SPOCK1: variants seen among roughly 807,000 people sequenced by gnomAD.
SPOCK1 encodes SPARC (osteonectin), cwcv and kazal like domains proteoglycan 1.
SPOCK1 carries 23 observed loss-of-function variants against 55.3 expected under a neutral mutation model. The ratio of observed to expected loss-of-function variants is 0.42; its 90% confidence interval spans 0.30 to 0.59. SPOCK1 has a LOEUF of 0.59. Among genes scored for constraint, SPOCK1 ranks in the 20% least tolerant of loss-of-function variants. The pLI is 0.22. For synonymous variants in SPOCK1, 226 were observed against 221.0 expected (o/e 1.02, Z -0.20); for missense variants, 499 against 552.5 (o/e 0.90, Z 0.97).
At chr5:137,453,457 C>T (rs1753297824) in intron 2 of SPOCK1, among the ~76,000 whole-genome samples, 2 of 152,134 alleles carry the variant, frequency 1.3e-5, no homozygotes, top group African/African-American at 4.8e-5. Flanking sequence ...ATGTCTAAGA[C>T]CAAGAAAACT....
At chr5:137,397,790 C>G (rs1751885807) in intron 2 of SPOCK1, among the ~76,000 whole-genome samples, 1 of 152,172 alleles carries the variant, frequency 6.6e-6, no homozygotes, top group South Asian at 2.1e-4. Flanking sequence ...GGGCTTAAGT[C>G]ATTTCAGCTG....
intron 4 of SPOCK1, among the ~76,000 whole-genome samples, chr5:137,131,920 C>G (rs1351257300): frequency 2.3e-5 from 2 of 88,368 alleles, no homozygotes; most frequent in East Asian, 6.2e-4. Flanking sequence ...TGCAGTGAGC[C>G]GAGATCGCGC....
chr5:137,438,778 G>A (rs1286730260), intron 2 of SPOCK1, among the ~76,000 whole-genome samples: 1 of 152,210 alleles, frequency 6.6e-6, no homozygotes, highest in East Asian at 1.9e-4. Flanking sequence ...CAGGCAGGCT[G>A]CTGAATTGCA....
At chr5:137,129,273 T>G (rs1753831289) in intron 4 of SPOCK1, among the ~76,000 whole-genome samples, 1 of 152,220 alleles carries the variant, frequency 6.6e-6, no homozygotes, top group Admixed American at 6.5e-5. Flanking sequence ...TTGCAGAGGC[T>G]GTTCCCTCCA....
intron 2 of SPOCK1, among the ~76,000 whole-genome samples, chr5:137,327,665 T>TGTAA (rs1758103018): frequency 1.3e-5 from 2 of 152,220 alleles, no homozygotes. Flanking sequence ...ACACAAGCTG[T>TGTAA]GTAACCTCAG....
chr5:137,018,451 C>T (rs1003320429), intron 6 of SPOCK1, among the ~76,000 whole-genome samples: 1 of 152,174 alleles, frequency 6.6e-6, no homozygotes, highest in African/African-American at 2.4e-5. Flanking sequence ...TTCCTTTCCC[C>T]TCACCTTGTC....
chr5:137,351,122 C>G (rs1389257441), intron 2 of SPOCK1, among the ~76,000 whole-genome samples: 1 of 152,124 alleles, frequency 6.6e-6, no homozygotes, highest in Non-Finnish European at 1.5e-5. Context: ...CTTGAGATAG[C>G]CCAACAGCCA....
intron 3 of SPOCK1, among the ~76,000 whole-genome samples, chr5:137,207,304 C>A (rs1327172014): frequency 6.6e-6 from 1 of 152,250 alleles, no homozygotes; most frequent in Non-Finnish European, 1.5e-5. Flanking sequence ...AGCAGGGAGC[C>A]TTTTCAGTGG....
chr5:137,088,193 C>A (rs1220816471), intron 5 of SPOCK1, among the ~76,000 whole-genome samples: 1 of 152,186 alleles, frequency 6.6e-6, no homozygotes, highest in Non-Finnish European at 1.5e-5. Context: ...TAATCTGGGT[C>A]CCTCTCCAGG....
At position 137,470,195 on chromosome 5, in the gene SPOCK1, G is replaced by A. The variant is rs114524149; in HGVS notation, c.186+28178C>T. Among the ~76,000 whole-genome samples the A allele has an allele frequency of 2.7e-3, 409 of 152,252 alleles. 1 individual carries two copies. The highest frequency in any genetic ancestry group is 9.4e-3 in the African/African-American group (392 of 41,546). Reference sequence around the variant, plus strand: ...ATGTATTTGGCCATTTATTGTGGACGGATTTGTGAGTGCATCCTCAGCTAA... The same window carrying A: ...ATGTATTTGGCCATTTATTGTGGACAGATTTGTGAGTGCATCCTCAGCTAA... On this transcript the variant is annotated intron_variant, in intron 2 of 10. Transcript: ENST00000394945.
intron 5 of SPOCK1, among the ~76,000 whole-genome samples, chr5:137,090,546 G>A (rs1753034133): frequency 6.6e-6 from 1 of 152,170 alleles, no homozygotes; most frequent in African/African-American, 2.4e-5. Flanking sequence ...TGAGGACAAG[G>A]CTATGTCCAG....
In SPOCK1 at chr5:137,035,998, G is replaced by A. The variant is rs1485888108; in HGVS notation, c.589+31717C>T. On this transcript the variant is annotated intron_variant, in intron 6 of 10. Transcript: ENST00000394945. ...CCCCACAAGGATGAGAGTGAGGAGA[G>A]GGAGACTAGCAGAAAAGGGGAGGTG... 1.1e-4 allele frequency among the ~76,000 whole-genome samples: 17 copies of A among 152,150 alleles called. 1 individual carries two copies. The highest frequency in any genetic ancestry group is 9.8e-4 in the Admixed American group (15 of 15,284).
At chr5:137,428,965 T>C (rs1032040056) in intron 2 of SPOCK1, among the ~76,000 whole-genome samples, 1 of 152,214 alleles carries the variant, frequency 6.6e-6, no homozygotes, top group African/African-American at 2.4e-5. Flanking sequence ...CCTGTTTTCA[T>C]CCTGCAAGAA....
chr5:137,202,060 G>A (rs1047401573), intron 3 of SPOCK1, among the ~76,000 whole-genome samples: 2 of 152,228 alleles, frequency 1.3e-5, no homozygotes, highest in African/African-American at 4.8e-5. Flanking sequence ...AGCCTGCTAA[G>A]GAACAATACG....
rs528027746 is a variant in SPOCK1, at chr5:137,038,692, C to T, written c.589+29023G>A. Among the ~76,000 whole-genome samples the T allele has an allele frequency of 9.9e-5, 15 of 152,200 alleles. No individual in the cohort carries two copies. In the South Asian group the frequency reaches 1.7e-3, roughly 17 times the overall value. On this transcript the variant is annotated intron_variant, in intron 6 of 10. Coordinates refer to ENST00000394945, the MANE Select transcript of SPOCK1 (RefSeq NM_004598.4). Reference sequence around the variant, plus strand: ...GTCACAGATTGACAATGACATGAGCCAAGGAAAGAACTTATGGGTCAGGGC... The same window carrying T: ...GTCACAGATTGACAATGACATGAGCTAAGGAAAGAACTTATGGGTCAGGGC...
At chr5:137,345,751 T>G (rs1003758465) in intron 2 of SPOCK1, among the ~76,000 whole-genome samples, 2 of 152,168 alleles carry the variant, frequency 1.3e-5, no homozygotes, top group South Asian at 2.1e-4. Flanking sequence ...TTTTACACAT[T>G]AAGGTTGAGG....
At chr5:137,186,029 T>C (rs929364719) in intron 3 of SPOCK1, among the ~76,000 whole-genome samples, 6 of 152,168 alleles carry the variant, frequency 3.9e-5, no homozygotes, top group African/African-American at 1.4e-4. Flanking sequence ...TGCCACAGAA[T>C]AGAGATGGTT....
At chr5:137,456,209 T>C (rs1753363328) in intron 2 of SPOCK1, among the ~76,000 whole-genome samples, 1 of 152,154 alleles carries the variant, frequency 6.6e-6, no homozygotes, top group African/African-American at 2.4e-5. Context: ...AGTGTTTAAT[T>C]ATCACCGCCC....
chr5:137,197,721 G>A (rs1755330304), intron 3 of SPOCK1, among the ~76,000 whole-genome samples: 1 of 152,142 alleles, frequency 6.6e-6, no homozygotes, highest in African/African-American at 2.4e-5. Flanking sequence ...CATTAAATGG[G>A]TTCAAATCTA....
Sources: allele counts gnomAD v4.1 joint callset (sites outside exome capture counted in the v4.1 genomes callset), GRCh38; gene constraint gnomAD v4.1.1; transcripts MANE v1.5; gene names NCBI Gene and HGNC (gene_info 2026-07-23, HGNC 2026-07-21).